The following HHIPL1 variants were observed in gnomAD, a reference collection of about 807,000 sequenced individuals.
HHIPL1 encodes HHIP-like protein 1.
Under a neutral mutation model 61.8 loss-of-function variants are expected in HHIPL1, and 43 were observed. The ratio of observed to expected loss-of-function variants is 0.70; its 90% confidence interval spans 0.55 to 0.90. The LOEUF (loss-of-function observed/expected upper bound fraction) is 0.90, where lower values mean the gene tolerates loss of function less well. Among genes scored for constraint, HHIPL1 ranks in the 40% least tolerant of loss-of-function variants. The pLI, the probability that HHIPL1 is intolerant of heterozygous loss-of-function variation, is 0.00. For missense variants in HHIPL1, 1,056 were observed against 1,157.7 expected (o/e 0.91, Z 1.28); for synonymous variants, 482 against 515.8 (o/e 0.93, Z 0.89).
At chr14:99,620,697 AG>A in the HHIPL1 span, among the ~76,000 whole-genome samples, 1 of 152,216 alleles carries the variant, frequency 6.6e-6, no homozygotes, top group Admixed American at 6.5e-5. Flanking sequence ...TTCCACAGGA[AG>A]GAGGGGTCTT....
At chr14:99,654,574 TA>T (rs1296823975) in intron 2 of HHIPL1, among the ~76,000 whole-genome samples, 1 of 151,802 alleles carries the variant, frequency 6.6e-6, no homozygotes, top group East Asian at 1.9e-4. Context: ...AGAGAGGAGG[TA>T]GGGGGAGGGC....
the HHIPL1 span, among the ~76,000 whole-genome samples, chr14:99,615,520 G>T: frequency 6.6e-6 from 1 of 151,932 alleles, no homozygotes; most frequent in African/African-American, 2.4e-5. Flanking sequence ...CTCCAGCTTG[G>T]GTGGCAGAGT....
chr14:99,613,004 G>A, the HHIPL1 span, among the ~76,000 whole-genome samples: 7 of 152,174 alleles, frequency 4.6e-5, no homozygotes, highest in Admixed American at 2.0e-4. Context: ...AATGAAAGTC[G>A]CAAAGACCTT....
the HHIPL1 span, among the ~76,000 whole-genome samples, chr14:99,615,721 G>GAGAA: frequency 2.0e-5 from 3 of 151,704 alleles, no homozygotes; most frequent in South Asian, 4.2e-4. Flanking sequence ...AGGAAAGAAA[G>GAGAA]AGAAAGAAAG....
chr14:99,627,063 C>T, the HHIPL1 span, among the ~76,000 whole-genome samples: 1 of 152,132 alleles, frequency 6.6e-6, no homozygotes, highest in Non-Finnish European at 1.5e-5. The surrounding 1 kb of genome is among the most constrained non-coding windows in gnomAD (Gnocchi z 4.4). Flanking sequence ...AGCTCTCACT[C>T]ATAATGCCAC....
chr14:99,637,201 GAAGAAAGA>G, the HHIPL1 span, among the ~76,000 whole-genome samples: 7,694 of 86,928 alleles, frequency 0.089, 367 homozygotes, highest in Middle Eastern at 0.12. Flanking sequence ...AGAAAGAAAG[GAAGAAAGA>G]AAGAAAGAAA....
At chr14:99,661,951 G>A (rs2056159773) in intron 5 of HHIPL1, among the ~76,000 whole-genome samples, 1 of 152,142 alleles carries the variant, frequency 6.6e-6, no homozygotes, top group African/African-American at 2.4e-5. Flanking sequence ...TCCTCTCCCA[G>A]ATCCGCCCCT....
At chr14:99,625,418 T>A in the HHIPL1 span, 1 of 152,246 alleles carries the variant, frequency 6.6e-6, no homozygotes, top group Admixed American at 6.5e-5. Flanking sequence ...CACAATAGAA[T>A]ACTAATAATA....
the HHIPL1 span, among the ~76,000 whole-genome samples, chr14:99,607,308 T>C: frequency 6.6e-6 from 1 of 152,144 alleles, no homozygotes; most frequent in Admixed American, 6.5e-5. Context: ...GTGACTTTGC[T>C]TCTTAAGCCC....
the HHIPL1 span, among the ~76,000 whole-genome samples, chr14:99,633,170 A>G: frequency 1.3e-5 from 2 of 152,178 alleles, no homozygotes; most frequent in African/African-American, 2.4e-5. Flanking sequence ...CAACTGAGAC[A>G]TGGCTGAAGC....
intron 1 of HHIPL1, 113 bp from the exon 2 acceptor site, chr14:99,652,110 TC>T (rs2055940414): frequency 1.0e-6 from 1 of 968,142 alleles, no homozygotes; most frequent in Admixed American, 2.5e-5. Context: ...TGGCGTTGTC[TC>T]CATTTTATGG....
the HHIPL1 span, among the ~76,000 whole-genome samples, chr14:99,629,028 A>G: frequency 1.3e-5 from 2 of 152,150 alleles, no homozygotes; most frequent in African/African-American, 4.8e-5. Context: ...GGGGCCCCCT[A>G]GCGGCCCGAG....
At chr14:99,663,442 G>A (rs1350318598) in intron 6 of HHIPL1, among the ~76,000 whole-genome samples, 1 of 152,194 alleles carries the variant, frequency 6.6e-6, no homozygotes, top group East Asian at 1.9e-4. Flanking sequence ...CATGGCATTT[G>A]TAAACTGTCA....
At chr14:99,662,209 T>C (rs2056163231) in intron 5 of HHIPL1, among the ~76,000 whole-genome samples, 2 of 146,674 alleles carry the variant, frequency 1.4e-5, no homozygotes, top group South Asian at 4.4e-4. Flanking sequence ...TCCACTGCAC[T>C]GCAACCCCAG....
chr14:99,659,972 A>G (rs1595159865), intron 4 of HHIPL1, among the ~76,000 whole-genome samples: 1 of 141,656 alleles, frequency 7.1e-6, no homozygotes, highest in Admixed American at 7.0e-5. Context: ...ATCTGCCCCC[A>G]CCCCAACTCC....
the HHIPL1 span, among the ~76,000 whole-genome samples, chr14:99,611,505 C>T: frequency 2.6e-4 from 39 of 151,912 alleles, no homozygotes; most frequent in East Asian, 6.8e-3. Context: ...AGGCTGGTCT[C>T]GAACTCCTGA....
Position 99,668,321 on chromosome 14 carries a change from G to A in HHIPL1, c.1730+18G>A. The A allele has an allele frequency of 6.6e-7, 1 of 1,510,036 alleles. No individual in the cohort carries two copies. The highest frequency in any genetic ancestry group is 9.2e-7 in the Non-Finnish European group (1 of 1,085,476). The allele number at this position is 1,510,036 out of a possible 1,614,324, so 93.5% of individuals were successfully genotyped here. A position where few individuals can be genotyped will look rare whatever the true frequency, so the allele number is the denominator to read the frequency against. ...GCATCCAGGTGAGTCCCAGCCTCCA[G>A]GACAGGGAGCTCCTGCTGTCTGTCA... On this transcript the variant is annotated intron_variant, in intron 7 of 8. Coordinates refer to ENST00000330710, the MANE Select transcript of HHIPL1 (RefSeq NM_001127258.3). The surrounding 1 kb of genome is among the most constrained non-coding windows in gnomAD (Gnocchi z 4.7).
At chr14:99,615,796 A>T in the HHIPL1 span, among the ~76,000 whole-genome samples, 4 of 152,216 alleles carry the variant, frequency 2.6e-5, no homozygotes, top group African/African-American at 9.6e-5. Flanking sequence ...GGCTTTGCAG[A>T]CAGAAGCAAT....
At position 99,675,043 on chromosome 14, in the gene HHIPL1, G is replaced by C. The variant is rs551762125; in HGVS notation, c.1814-48G>C. The stretch of plus-strand genomic sequence containing the variant: ...CAGCACAGGGTGGGCAGCAGGGCTG[G>C]ACAGGGGCGCCTGGGTCCCTCTGAC... On this transcript the variant is annotated intron_variant, in intron 8 of 8. Transcript: ENST00000330710. This position sits in a 1 kb window ranked among gnomAD's most constrained non-coding sequence, Gnocchi z 5.4. 24 of 1,058,884 alleles carry C rather than the reference G, an allele frequency of 2.3e-5. No individual in the cohort carries two copies. In the South Asian group the frequency reaches 6.6e-4, roughly 29 times the overall value. The allele number at this position is 1,058,884 out of a possible 1,614,324, so 65.6% of individuals were successfully genotyped here. A position where few individuals can be genotyped will look rare whatever the true frequency, so the allele number is the denominator to read the frequency against.
Sources: gnomAD v4.1 joint callset for allele counts (sites outside exome capture counted in the v4.1 genomes callset) on GRCh38, gnomAD v4.1.1 for gene constraint, Gnocchi (gnomAD v3.1) non-coding constraint, MANE v1.5 for transcripts, NCBI Gene and HGNC (gene_info 2026-07-23, HGNC 2026-07-21) for gene names.